The following FAM89A variants were observed in gnomAD, a reference collection of about 807,000 sequenced individuals.
FAM89A encodes the protein protein FAM89A.
In FAM89A, 10 loss-of-function variants were observed where a neutral mutation model predicts 7.1. That is an observed-to-expected ratio of 1.40 (90% CI 0.86 to 2.38). The LOEUF (loss-of-function observed/expected upper bound fraction) is 2.38, where lower values mean the gene tolerates loss of function less well. Among genes scored for constraint, FAM89A ranks in the 30% most tolerant of loss-of-function variants. FAM89A has a pLI of 0.00. For synonymous variants in FAM89A, 157 were observed against 129.3 expected, an observed-to-expected ratio of 1.21 and a Z score of -1.45; for missense variants, 276 against 262.8, an observed-to-expected ratio of 1.05 and a Z score of -0.35.
intron 1 of FAM89A, among the ~76,000 whole-genome samples, chr1:231,029,433 A>G (rs890088350): frequency 6.6e-6 from 1 of 152,124 alleles, no homozygotes; most frequent in East Asian, 1.9e-4. Context: ...TTGAGGCTGC[A>G]GTGCGCTGTG....
rs139851828 is a variant in FAM89A at position 231,020,022 on chromosome 1, G to A, written c.396C>T (p.Asp132=). 8.7e-6 allele frequency: 14 copies of A among 1,614,152 alleles called. No individual in the cohort carries two copies. In the African/African-American group the frequency reaches 1.2e-4, roughly 14 times the overall value. ...AGCCGTTCTCCAGAGCGTAAGTGCA[G>A]TCTGGGCTGGAGGCTGCCTGGCATG... The part of the protein sequence containing the change: ...KGACQAASSP[D]CTYALENGFF... The change falls in exon 2 of 2, where the codon GAC becomes GAT. Residue 132 remains aspartate, a synonymous_variant. Coordinates refer to ENST00000366654, the MANE Select transcript of FAM89A (RefSeq NM_198552.3).
At chr1:231,037,684 T>C (rs1360261334) in intron 1 of FAM89A, among the ~76,000 whole-genome samples, 2 of 152,132 alleles carry the variant, frequency 1.3e-5, no homozygotes, top group African/African-American at 4.8e-5. Flanking sequence ...GTCCACTCGG[T>C]CCACCTGCCC....
Position 231,022,004 on chromosome 1 carries a change from T to G in FAM89A, c.292-1878A>C, listed in dbSNP as rs191972347. ...CCTCAGGCCCTCGGGTACTGTCGGT[T>G]GTCCTATCTGCATGGACAGATATTC... On this transcript the variant is annotated intron_variant, in intron 1 of 1. Transcript: ENST00000366654. The G allele has an allele frequency of 4.7e-5, 63 of 1,337,450 alleles. No homozygotes were observed. In the Admixed American group the frequency reaches 1.0e-3, roughly 22 times the overall value. The allele number at this position is 1,337,450 out of a possible 1,614,324, so 82.8% of individuals were successfully genotyped here. A position where few individuals can be genotyped will look rare whatever the true frequency, so the allele number is the denominator to read the frequency against.
intron 1 of FAM89A, chr1:231,026,071 T>TTAA (rs1553308713): frequency 1.4e-5 from 2 of 138,512 alleles, no homozygotes; most frequent in East Asian, 4.4e-4. Context: ...GCTCAGCTCC[T>TTAA]AAAAAAAAAA....
chr1:231,026,867 T>C (rs1484985711), intron 1 of FAM89A: 1 of 151,994 alleles, frequency 6.6e-6, no homozygotes, highest in East Asian at 1.9e-4. Context: ...AGCCACACTC[T>C]CTCGGGGTCA....
Position 231,040,138 on chromosome 1 carries a change from G to A in FAM89A, c.74C>T (p.Pro25Leu), listed in dbSNP as rs1249540147. ...AVRGLRVDGL[P>L]PLPKSLSGLL... ...CCCGCTCAAGCTCTTTGGCAGCGGG[G>A]GCAGCCCGTCCACCCGCAGCCCCCG... The change falls in exon 1 of 2, where the codon CCC becomes CTC. Residue 25 changes from proline (P) to leucine (L), a missense_variant. Coordinates refer to ENST00000366654, the MANE Select transcript of FAM89A (RefSeq NM_198552.3). 3 of 1,343,216 alleles carry A rather than the reference G, an allele frequency of 2.2e-6. No individual in the cohort carries two copies. In the African/African-American group the frequency reaches 4.5e-5, roughly 20 times the overall value. The allele number at this position is 1,343,216 out of a possible 1,614,324, so 83.2% of individuals were successfully genotyped here. A position where few individuals can be genotyped will look rare whatever the true frequency, so the allele number is the denominator to read the frequency against.
intron 1 of FAM89A, among the ~76,000 whole-genome samples, chr1:231,024,914 C>CT (rs60500715): frequency 0.18 from 11,467 of 63,162 alleles, 3,770 homozygotes; most frequent in Non-Finnish European, 0.24. Flanking sequence ...CACAACTACT[C>CT]TTTTTTTTTT....
intron 1 of FAM89A, among the ~76,000 whole-genome samples, chr1:231,024,646 C>T (rs1252879279): frequency 6.6e-6 from 1 of 152,036 alleles, no homozygotes; most frequent in East Asian, 1.9e-4. Context: ...AAGGGATCCT[C>T]CTGCCTCAAC....
intron 1 of FAM89A, among the ~76,000 whole-genome samples, chr1:231,038,410 C>G (rs1345400894): frequency 1.3e-5 from 2 of 152,176 alleles, no homozygotes; most frequent in East Asian, 1.9e-4. Flanking sequence ...ACAGGAGCGG[C>G]CCCGAGGTTT....
At chr1:231,031,760 T>C (rs555672309) in intron 1 of FAM89A, among the ~76,000 whole-genome samples, 2 of 152,344 alleles carry the variant, frequency 1.3e-5, no homozygotes, top group African/African-American at 4.8e-5. Context: ...TACTGTTTTG[T>C]AACTTTACAC....
intron 1 of FAM89A, among the ~76,000 whole-genome samples, chr1:231,036,209 C>T (rs1680154030): frequency 6.6e-6 from 1 of 152,150 alleles, no homozygotes; most frequent in Non-Finnish European, 1.5e-5. Context: ...GTTTCTATTA[C>T]TAATATAGAG....
intron 1 of FAM89A, chr1:231,022,292 T>C (rs1679893096): frequency 1.9e-5 from 13 of 690,058 alleles, no homozygotes; most frequent in South Asian, 1.6e-4. Context: ...ACGTCTGATA[T>C]GTAAACTGCT....
chr1:231,020,342 A>T (rs1362584817), intron 1 of FAM89A, among the ~76,000 whole-genome samples: 2 of 152,182 alleles, frequency 1.3e-5, no homozygotes, highest in African/African-American at 4.8e-5. Flanking sequence ...TCCAGTGAGG[A>T]TCGCATCTGT....
At chr1:231,022,035 T>A (rs1679888080) in intron 1 of FAM89A, 1 of 1,395,966 alleles carries the variant, frequency 7.2e-7, no homozygotes, top group Non-Finnish European at 1.0e-6. Context: ...TATTCAGAGA[T>A]CGTGCAGAAT....
upstream of FAM89A, chr1:231,040,254 C>CA: frequency 9.8e-7 from 1 of 1,023,002 alleles, no homozygotes; most frequent in Non-Finnish European, 1.2e-6. Context: ...TGCAGCGAAC[C>CA]AAGGCTTTCC....
At chr1:231,039,409 G>T (rs934926475) in intron 1 of FAM89A, among the ~76,000 whole-genome samples, 1 of 152,220 alleles carries the variant, frequency 6.6e-6, no homozygotes, top group Non-Finnish European at 1.5e-5. Flanking sequence ...GCGGTAATCG[G>T]ATCACGGACG....
chr1:231,021,945 C>A, intron 1 of FAM89A: 3 of 1,430,314 alleles, frequency 2.1e-6, no homozygotes, highest in Non-Finnish European at 3.0e-6. Flanking sequence ...ACTACCCACA[C>A]TTCCAGAAAC....
chr1:231,031,902 C>T lies in FAM89A; in HGVS notation c.291+8019G>A, dbSNP rs114450413. On this transcript the variant is annotated intron_variant, in intron 1 of 1. Transcript: ENST00000366654. ...GTGCCATTATCCACTTGTGTGGATG[C>T]TTCTGTAAGGTACACTTGTGAATAT... 4.7e-3 allele frequency among the ~76,000 whole-genome samples: 721 copies of T among 152,260 alleles called. 3 individuals are homozygous for T. The highest frequency in any genetic ancestry group is 0.016 in the African/African-American group (680 of 41,532).
At position 231,025,004 on chromosome 1, in the gene FAM89A, G is replaced by C. The variant is rs916248162; in HGVS notation, c.292-4878C>G. On this transcript the variant is annotated intron_variant, in intron 1 of 1. Coordinates refer to ENST00000366654, the MANE Select transcript of FAM89A (RefSeq NM_198552.3). ...GTGGTGTAATCTCGGCTCACTGCAAGCTCTGCCTCCTGGGTTCACCCCATT... is the reference window on the plus strand; with the variant it reads ...GTGGTGTAATCTCGGCTCACTGCAACCTCTGCCTCCTGGGTTCACCCCATT... Among the ~76,000 whole-genome samples, 12 of 136,622 alleles carry C rather than the reference G, an allele frequency of 8.8e-5. No homozygotes were observed. The South Asian group carries it at 2.9e-3, about 33-fold the overall frequency. 89.6% of individuals were successfully genotyped at this position (136,622 alleles called of 152,430 possible).
Sources: gnomAD v4.1 joint callset for allele counts (sites outside exome capture counted in the v4.1 genomes callset) on GRCh38, gnomAD v4.1.1 for gene constraint, MANE v1.5 for transcripts, NCBI Gene and HGNC (gene_info 2026-07-23, HGNC 2026-07-21) for gene names.